The following OR6N1 variants were observed in gnomAD, a reference collection of about 807,000 sequenced individuals.
OR6N1 encodes the protein olfactory receptor family 6 subfamily N member 1.
For synonymous variants in OR6N1, 170 were observed against 150.7 expected (o/e 1.13, Z -0.94); for missense variants, 394 against 371.7 (o/e 1.06, Z -0.49).
At chr1:158,824,810 A>G in the OR6N1 span, among the ~76,000 whole-genome samples, 1 of 152,316 alleles carries the variant, frequency 6.6e-6, no homozygotes, top group African/African-American at 2.4e-5. Flanking sequence ...ATATACAAAA[A>G]TCAGTTCAAG....
the OR6N1 span, among the ~76,000 whole-genome samples, chr1:158,793,017 C>T: frequency 3.3e-5 from 5 of 152,012 alleles, no homozygotes; most frequent in Non-Finnish European, 4.4e-5. Flanking sequence ...GAAACCTTGC[C>T]TTTGAGCTCT....
At chr1:158,766,810 G>A (rs1657287473) in intron 1 of OR6N1, 110 bp from the exon 2 acceptor site, 2 of 665,828 alleles carry the variant, frequency 3.0e-6, no homozygotes, top group East Asian at 5.4e-5. Context: ...CCAGAGTAAA[G>A]CCCTCTAAGT....
At chr1:158,779,024 A>AAAAAAAAAAAAAAAAAAAAAAAG in the OR6N1 span, among the ~76,000 whole-genome samples, 1 of 151,204 alleles carries the variant, frequency 6.6e-6, no homozygotes, top group African/African-American at 2.4e-5. Flanking sequence ...GTCTCAAAAA[A>AAAAAAAAAAAAAAAAAAAAAAAG]AAAAAAAAGA....
the OR6N1 span, among the ~76,000 whole-genome samples, chr1:158,796,471 G>A: frequency 1.3e-5 from 2 of 151,982 alleles, no homozygotes; most frequent in African/African-American, 4.8e-5. Context: ...GAGCTCACTG[G>A]TTCTTTCCTC....
the OR6N1 span, among the ~76,000 whole-genome samples, chr1:158,797,839 A>T: frequency 2.0e-5 from 3 of 152,216 alleles, no homozygotes; most frequent in African/African-American, 4.8e-5. Flanking sequence ...AATTCTCAGA[A>T]GAATGTAAAA....
the OR6N1 span, among the ~76,000 whole-genome samples, chr1:158,822,924 G>A: frequency 1.3e-5 from 2 of 152,160 alleles, no homozygotes; most frequent in Non-Finnish European, 2.9e-5. Context: ...ATGAACAGAT[G>A]CTGAATTTTA....
At chr1:158,807,758 T>C in the OR6N1 span, among the ~76,000 whole-genome samples, 5 of 152,194 alleles carry the variant, frequency 3.3e-5, no homozygotes, top group African/African-American at 1.2e-4. Context: ...CACTCCTAGC[T>C]TTAATTTATC....
At chr1:158,826,163 T>C in the OR6N1 span, among the ~76,000 whole-genome samples, 3 of 151,878 alleles carry the variant, frequency 2.0e-5, no homozygotes. Context: ...AAAAAACCTA[T>C]TACATATCAT....
the OR6N1 span, among the ~76,000 whole-genome samples, chr1:158,825,178 G>A: frequency 8.9e-3 from 1,355 of 152,208 alleles, 20 homozygotes; most frequent in African/African-American, 0.029. Flanking sequence ...AGTGGCTCAC[G>A]CCTGTAATCC....
the OR6N1 span, among the ~76,000 whole-genome samples, chr1:158,814,329 T>C: frequency 6.6e-6 from 1 of 152,212 alleles, no homozygotes; most frequent in Non-Finnish European, 1.5e-5. Context: ...TATATACATA[T>C]ATACACATAT....
chr1:158,786,935 C>T, the OR6N1 span, among the ~76,000 whole-genome samples: 1 of 152,078 alleles, frequency 6.6e-6, no homozygotes, highest in Non-Finnish European at 1.5e-5. Context: ...TCAGAAATCA[C>T]CAGTAAAGAA....
chr1:158,826,265 C>T, the OR6N1 span, among the ~76,000 whole-genome samples: 1 of 151,866 alleles, frequency 6.6e-6, no homozygotes, highest in Non-Finnish European at 1.5e-5. Context: ...TACCCCTGAA[C>T]CTAAAATAAA....
the OR6N1 span, among the ~76,000 whole-genome samples, chr1:158,793,805 TG>T: frequency 1.3e-5 from 2 of 152,242 alleles, no homozygotes; most frequent in South Asian, 4.2e-4. Context: ...CTAAAGCAGG[TG>T]GGTAAATGCA....
chr1:158,819,424 G>A, the OR6N1 span, among the ~76,000 whole-genome samples: 1 of 152,142 alleles, frequency 6.6e-6, no homozygotes, highest in African/African-American at 2.4e-5. Context: ...ACCAGCTCTT[G>A]CACAAAGTGG....
the OR6N1 span, among the ~76,000 whole-genome samples, chr1:158,839,719 A>G: frequency 2.0e-5 from 3 of 152,322 alleles, no homozygotes; most frequent in East Asian, 1.9e-4. Context: ...AGGGACAAAG[A>G]AAAACACCTA....
the OR6N1 span, among the ~76,000 whole-genome samples, chr1:158,778,018 A>G: frequency 5.9e-5 from 9 of 152,230 alleles, no homozygotes; most frequent in Non-Finnish European, 1.3e-4. Flanking sequence ...CAAGCATTCT[A>G]GCTCTATACT....
the OR6N1 span, among the ~76,000 whole-genome samples, chr1:158,827,403 C>T: frequency 6.6e-6 from 1 of 152,166 alleles, no homozygotes; most frequent in Non-Finnish European, 1.5e-5. Flanking sequence ...AGGACTTAGT[C>T]TCCCTGATTG....
the OR6N1 span, among the ~76,000 whole-genome samples, chr1:158,793,424 A>T: frequency 6.6e-6 from 1 of 151,944 alleles, no homozygotes; most frequent in South Asian, 2.1e-4. Flanking sequence ...TTATTTTTCA[A>T]CTTAGTTTTG....
the OR6N1 span, among the ~76,000 whole-genome samples, chr1:158,819,267 C>A: frequency 6.6e-6 from 1 of 152,110 alleles, no homozygotes; most frequent in Admixed American, 6.5e-5. Flanking sequence ...AAAATACAGT[C>A]CAGCTAGGAG....
Sources: gnomAD v4.1 joint callset for allele counts (sites outside exome capture counted in the v4.1 genomes callset) on GRCh38, gnomAD v4.1.1 for gene constraint, MANE v1.5 for transcripts, NCBI Gene and HGNC (gene_info 2026-07-23, HGNC 2026-07-21) for gene names.